LMO7: variants seen among roughly 807,000 people sequenced by gnomAD.
LMO7 encodes the protein LIM domain 7.
A neutral mutation model predicts 206.5 loss-of-function variants in LMO7; 120 were observed. That is an observed-to-expected ratio of 0.58 (90% CI 0.50 to 0.68). The LOEUF is 0.68. Ranked by LOEUF, LMO7 falls within the 30% of genes least tolerant of loss-of-function variation. The pLI is 0.00. For synonymous variants in LMO7, 706 were observed against 681.5 expected (o/e 1.04, Z -0.56); for missense variants, 1,959 against 1,957.9 (o/e 1.00, Z -0.01).
At chr13:75,712,754 T>C (rs1288850494) in intron 1 of LMO7, among the ~76,000 whole-genome samples, 1 of 152,216 alleles carries the variant, frequency 6.6e-6, no homozygotes, top group African/African-American at 2.4e-5. Context: ...TTGAGGAATA[T>C]AAAGATGGAA....
intron 6 of LMO7, among the ~76,000 whole-genome samples, chr13:75,797,665 C>A (rs1419873474): frequency 6.6e-6 from 1 of 152,124 alleles, no homozygotes. Context: ...AAATTTTAGG[C>A]CAGGATGAAC....
At chr13:75,820,566 A>C (rs2057469349) in intron 13 of LMO7, among the ~76,000 whole-genome samples, 1 of 152,254 alleles carries the variant, frequency 6.6e-6, no homozygotes, top group Non-Finnish European at 1.5e-5. Flanking sequence ...AATTTTGTGA[A>C]TAATCCTTTA....
rs560858790 is a variant in LMO7, at chr13:75,677,911, C to T, written c.70-35271C>T. ...TGCAGTGTTTGGTTTTTTGTCCTTG[C>T]GATAGTTTGCTGAGAATGATGGTTT... is the stretch of plus-strand genomic sequence containing the variant. On this transcript the variant is annotated intron_variant, in intron 1 of 30. Transcript: ENST00000377534. 2.5e-4 allele frequency among the ~76,000 whole-genome samples: 37 copies of T among 150,100 alleles called. No homozygotes were observed. The East Asian group carries it at 3.0e-3, about 12-fold the overall frequency.
intron 1 of LMO7, among the ~76,000 whole-genome samples, chr13:75,699,495 G>A (rs543378250): frequency 9.5e-4 from 144 of 151,368 alleles, no homozygotes; most frequent in South Asian, 2.7e-3. Context: ...AGTGTCGGCC[G>A]GTCTGAGAAA....
exon 1 of LMO7, chr13:75,621,857 G>A: frequency 6.3e-7 from 1 of 1,590,216 alleles, no homozygotes; most frequent in Non-Finnish European, 8.5e-7. Context: ...GACAGAGTCT[G>A]CAGCAAAAAA....
At chr13:75,838,916 G>A (rs536772886) in intron 20 of LMO7, among the ~76,000 whole-genome samples, 2 of 152,220 alleles carry the variant, frequency 1.3e-5, no homozygotes, top group Non-Finnish European at 2.9e-5. Flanking sequence ...AAAAGTAATA[G>A]TCAACATTTG....
At position 75,659,076 on chromosome 13, in the gene LMO7, C is replaced by T. The variant is rs564063432; in HGVS notation, c.69+22350C>T. Among the ~76,000 whole-genome samples the T allele has an allele frequency of 6.6e-5, 10 of 152,188 alleles. No individual in the cohort carries two copies. The South Asian group carries it at 2.1e-3, about 32-fold the overall frequency. ...ATTATTTTTCTCTTATTACCTTGGTCAGCATCTTTAGCATTATGTGGTATC... is the reference window on the plus strand; with the variant it reads ...ATTATTTTTCTCTTATTACCTTGGTTAGCATCTTTAGCATTATGTGGTATC... On this transcript the variant is annotated intron_variant, in intron 1 of 30. Transcript: ENST00000377534.
At chr13:75,815,009 C>A (rs2056828193) in intron 11 of LMO7, among the ~76,000 whole-genome samples, 1 of 152,010 alleles carries the variant, frequency 6.6e-6, no homozygotes, top group Non-Finnish European at 1.5e-5. Context: ...TTTGGAAGAA[C>A]CTGTCTTTAA....
chr13:75,829,071 C>T (rs953806370), intron 15 of LMO7, among the ~76,000 whole-genome samples: 1 of 152,042 alleles, frequency 6.6e-6, no homozygotes. Context: ...ATTCAGTTTT[C>T]GAATTGTTGG....
intron 1 of LMO7, among the ~76,000 whole-genome samples, chr13:75,684,789 G>C (rs1566307939): frequency 1.3e-5 from 2 of 151,326 alleles, no homozygotes; most frequent in African/African-American, 4.9e-5. Context: ...ATACGTATGT[G>C]TATATATGTG....
chr13:75,848,998 C>G, intron 26 of LMO7, 81 bp from the exon 27 acceptor site: 1 of 798,746 alleles, frequency 1.3e-6, no homozygotes, highest in Non-Finnish European at 2.1e-6. Flanking sequence ...TTTGCATTTC[C>G]CTGATCACTA....
At chr13:75,697,972 C>T (rs1185307929) in intron 1 of LMO7, among the ~76,000 whole-genome samples, 1 of 152,190 alleles carries the variant, frequency 6.6e-6, no homozygotes, top group Non-Finnish European at 1.5e-5. Context: ...GTAATTAACT[C>T]TCAACAGGGA....
intron 1 of LMO7, among the ~76,000 whole-genome samples, chr13:75,705,662 T>C (rs1450657735): frequency 6.6e-6 from 1 of 152,206 alleles, no homozygotes; most frequent in East Asian, 1.9e-4. Flanking sequence ...TGAGTAAGGT[T>C]CAAAATTATA....
At position 75,711,231 on chromosome 13, in the gene LMO7, G is replaced by C. The variant is rs1474546664; in HGVS notation, c.70-1951G>C. On this transcript the variant is annotated intron_variant, in intron 1 of 30. Coordinates refer to ENST00000377534, the MANE Select transcript of LMO7 (RefSeq NM_001306080.2). ...TTTTATTGAGGATTTTTGCATTGATGTTCATCAGGGATATTGGTCTAAAAT... is the reference window on the plus strand; with the variant it reads ...TTTTATTGAGGATTTTTGCATTGATCTTCATCAGGGATATTGGTCTAAAAT... Among the ~76,000 whole-genome samples the C allele has an allele frequency of 3.3e-5, 5 of 152,296 alleles. No homozygotes were observed. The East Asian group carries it at 7.7e-4, about 23-fold the overall frequency.
At chr13:75,696,927 C>T (rs374012187) in intron 1 of LMO7, among the ~76,000 whole-genome samples, 1 of 152,094 alleles carries the variant, frequency 6.6e-6, no homozygotes, top group Non-Finnish European at 1.5e-5. Context: ...AGGTAACGCA[C>T]GTCGAACGTT....
intron 25 of LMO7, among the ~76,000 whole-genome samples, chr13:75,843,393 G>T (rs917496104): frequency 2.0e-5 from 3 of 152,180 alleles, no homozygotes; most frequent in Admixed American, 6.5e-5. Context: ...ACAGTCACAG[G>T]TCGTGGAGAA....
chr13:75,681,154 G>A lies in LMO7; in HGVS notation c.70-32028G>A, dbSNP rs575001508. 7.2e-5 allele frequency among the ~76,000 whole-genome samples: 11 copies of A among 152,116 alleles called. No individual in the cohort carries two copies. In the South Asian group the frequency reaches 8.3e-4, roughly 11 times the overall value. ...ATAGCTTCTTTTGCTGTGCAGAAGC[G>A]CTTTAGTTTAATTAGATCCCATTTG... On this transcript the variant is annotated intron_variant, in intron 1 of 30. Transcript: ENST00000377534.
At chr13:75,738,127 A>T (rs2046102502) in intron 3 of LMO7, among the ~76,000 whole-genome samples, 1 of 151,526 alleles carries the variant, frequency 6.6e-6, no homozygotes, top group African/African-American at 2.4e-5. Context: ...ACTGTGAAGG[A>T]GGTTTGTGTA....
intron 4 of LMO7, among the ~76,000 whole-genome samples, chr13:75,780,421 T>G (rs1454038294): frequency 6.6e-6 from 1 of 152,168 alleles, no homozygotes; most frequent in African/African-American, 2.4e-5. Flanking sequence ...CTCTTATTCG[T>G]TTTGGAAGAA....
Sources: allele counts gnomAD v4.1 joint callset (sites outside exome capture counted in the v4.1 genomes callset), GRCh38; gene constraint gnomAD v4.1.1; transcripts MANE v1.5; gene names NCBI Gene and HGNC (gene_info 2026-07-23, HGNC 2026-07-21).